The following GTF2I variants were observed in gnomAD, a reference collection of about 807,000 sequenced individuals.
GTF2I encodes general transcription factor IIi.
GTF2I carries 12 observed loss-of-function variants against 67.6 expected under a neutral mutation model. The observed-to-expected ratio is 0.18, with a 90% confidence interval of 0.11 to 0.29. The LOEUF is 0.29. GTF2I is among the 10% of genes least tolerant of loss of function. GTF2I has a pLI of 1.00. For missense variants in GTF2I, 271 were observed against 580.1 expected (o/e 0.47, Z 5.47); for synonymous variants, 149 against 197.0 (o/e 0.76, Z 2.04).
chr7:74,691,218 T>TC, intron 3 of GTF2I, 107 bp downstream of exon 3: 1 of 896,006 alleles, frequency 1.1e-6, no homozygotes, highest in Non-Finnish European at 1.7e-6. Context: ...CTTTTTTTTT[T>TC]TTTTTGAGAT....
intron 12 of GTF2I, among the ~76,000 whole-genome samples, chr7:74,723,851 G>T (rs1301078219): frequency 6.6e-6 from 1 of 150,740 alleles, no homozygotes; most frequent in Non-Finnish European, 1.5e-5. Flanking sequence ...TTGAGAAAAG[G>T]GGGAAAAAAA....
rs1554396164 is a variant in GTF2I at position 74,689,113 on chromosome 7, C to T, written c.-5-11C>T. On this transcript the variant is annotated splice_polypyrimidine_tract_variant and intron_variant, in intron 1 of 34. Transcript: ENST00000573035. ...TCTACCACTCACTTTCTTCTTACTT[C>T]TCCTGCACAGGGATCATGGCCCAAG... The T allele has an allele frequency of 2.6e-6, 4 of 1,541,246 alleles. No individual in the cohort carries two copies. The highest frequency in any genetic ancestry group is 1.7e-5 in the Admixed American group (1 of 59,784).
chr7:74,706,165 G>T (rs188977296), intron 7 of GTF2I, among the ~76,000 whole-genome samples: 1 of 152,170 alleles, frequency 6.6e-6, no homozygotes. Flanking sequence ...TGATCTGCCC[G>T]CCTCGGCCTC....
chr7:74,726,466 G>A (rs1171886993), intron 12 of GTF2I: 1 of 152,064 alleles, frequency 6.6e-6, no homozygotes, highest in African/African-American at 2.4e-5. Flanking sequence ...CTATTTATAG[G>A]GTGTCTTGAC....
chr7:74,688,211 C>T (rs782160661), intron 1 of GTF2I, among the ~76,000 whole-genome samples: 6 of 151,746 alleles, frequency 4.0e-5, no homozygotes, highest in Non-Finnish European at 5.9e-5. Flanking sequence ...CTTGAGTAGC[C>T]GGGATTACAG....
chr7:74,658,489 T>C (rs1804140814), intron 1 of GTF2I, among the ~76,000 whole-genome samples: 1 of 145,952 alleles, frequency 6.9e-6, no homozygotes, highest in South Asian at 2.1e-4. Flanking sequence ...CCCGCCGCGC[T>C]GATTGGCCGG....
chr7:74,711,759 C>T (rs191117878), intron 9 of GTF2I, among the ~76,000 whole-genome samples: 2 of 152,214 alleles, frequency 1.3e-5, no homozygotes, highest in Non-Finnish European at 2.9e-5. Context: ...TCATCCACAG[C>T]GTTGCACGTA....
chr7:74,675,307 A>G (rs1486337146), intron 1 of GTF2I, among the ~76,000 whole-genome samples: 2 of 152,228 alleles, frequency 1.3e-5, no homozygotes, highest in Admixed American at 1.3e-4. Flanking sequence ...CATTTTGAGC[A>G]GGAATATCCA....
intron 6 of GTF2I, 139 bp downstream of exon 6, chr7:74,700,773 T>A: frequency 1.2e-6 from 1 of 866,906 alleles, no homozygotes. Context: ...GATGTTTATA[T>A]AATCCACAAA....
At chr7:74,722,638 G>A (rs990602922) in intron 12 of GTF2I, 2 of 151,986 alleles carry the variant, frequency 1.3e-5, no homozygotes, top group African/African-American at 4.8e-5. Context: ...AATTCATTTT[G>A]TGATGAATTT....
At chr7:74,731,698 C>T (rs1448373215) in intron 14 of GTF2I, among the ~76,000 whole-genome samples, 10 of 150,416 alleles carry the variant, frequency 6.6e-5, no homozygotes, top group African/African-American at 2.4e-4. Flanking sequence ...GTGCCCGCCA[C>T]CATGCCCAGC....
At chr7:74,670,234 A>G (rs1805333595) in intron 1 of GTF2I, among the ~76,000 whole-genome samples, 1 of 152,250 alleles carries the variant, frequency 6.6e-6, no homozygotes, top group Non-Finnish European at 1.5e-5. Flanking sequence ...TAAGGTAAGT[A>G]TGCAGACTGT....
At chr7:74,704,748 G>A (rs587741324) in intron 6 of GTF2I, among the ~76,000 whole-genome samples, 1 of 151,028 alleles carries the variant, frequency 6.6e-6, no homozygotes, top group Non-Finnish European at 1.5e-5. Flanking sequence ...CAGCTACTCA[G>A]GAGGCTGAGG....
intron 8 of GTF2I, among the ~76,000 whole-genome samples, chr7:74,708,401 T>C (rs1295920768): frequency 6.6e-6 from 1 of 152,178 alleles, no homozygotes; most frequent in Non-Finnish European, 1.5e-5. Context: ...GGAACAATTC[T>C]AGGCAGTGGC....
intron 6 of GTF2I, among the ~76,000 whole-genome samples, chr7:74,702,958 A>G (rs1790027708): frequency 1.3e-5 from 2 of 151,932 alleles, no homozygotes; most frequent in South Asian, 2.1e-4. Flanking sequence ...GCTGGTCTGG[A>G]ACTCCTGAGC....
chr7:74,753,046 A>T, intron 28 of GTF2I, 48 bp from the exon 29 acceptor site: 1 of 1,605,120 alleles, frequency 6.2e-7, no homozygotes, highest in Admixed American at 1.7e-5. Flanking sequence ...ACCATAAAAA[A>T]AAAAAAAAGC....
chr7:74,693,254 G>A (rs1371679293), intron 3 of GTF2I, among the ~76,000 whole-genome samples: 1 of 144,416 alleles, frequency 6.9e-6, no homozygotes, highest in South Asian at 2.2e-4. Context: ...TATTGTATCC[G>A]CTGTAGTGGA....
At chr7:74,669,327 C>T (rs1006784254) in intron 1 of GTF2I, among the ~76,000 whole-genome samples, 1 of 137,564 alleles carries the variant, frequency 7.3e-6, no homozygotes, top group Non-Finnish European at 1.5e-5. Context: ...TTCCTGGGTT[C>T]AAGCGATTCT....
chr7:74,726,899 A>ATAG (rs1793875241), intron 12 of GTF2I: 4 of 146,450 alleles, frequency 2.7e-5, no homozygotes, highest in African/African-American at 5.1e-5. Flanking sequence ...AGACCCTGCC[A>ATAG]ATAGATAGAT....
Sources: gnomAD v4.1 joint callset for allele counts (sites outside exome capture counted in the v4.1 genomes callset) on GRCh38, gnomAD v4.1.1 for gene constraint, MANE v1.5 for transcripts, NCBI Gene and HGNC (gene_info 2026-07-23, HGNC 2026-07-21) for gene names.